STK32B: variants seen among roughly 807,000 people sequenced by gnomAD.
The protein encoded by STK32B is serine/threonine-protein kinase 32B.
Under a neutral mutation model 52.6 loss-of-function variants are expected in STK32B, and 43 were observed. The ratio of observed to expected loss-of-function variants is 0.82; its 90% CI spans 0.64 to 1.05. STK32B has a LOEUF of 1.05. Among genes scored for constraint, STK32B ranks in the 50% least tolerant of loss-of-function variants. The pLI, the probability that STK32B is intolerant of heterozygous loss-of-function variation, is 0.00. For missense variants in STK32B, 621 were observed against 534.6 expected (o/e 1.16, Z -1.59); for synonymous variants, 238 against 204.3 (o/e 1.17, Z -1.41).
At position 5,456,931 on chromosome 4, in the gene STK32B, G is replaced by T. The variant is rs1716582387; in HGVS notation, c.783+8G>T. The T allele has an allele frequency of 6.6e-7, 1 of 1,523,200 alleles. No individual in the cohort carries two copies. The allele number at this position is 1,523,200 out of a possible 1,614,324, so 94.4% of individuals were successfully genotyped here. A position where few individuals can be genotyped will look rare whatever the true frequency, so the allele number is the denominator to read the frequency against. ...GTGGCCCTGCTGAGGAAGGTAAGGG[G>T]GCAGCTTCCAGCCTGCCCCGCCAGG... On this transcript the variant is annotated splice_region_variant and intron_variant, in intron 8 of 11. Transcript: ENST00000282908.
intron 1 of STK32B, among the ~76,000 whole-genome samples, chr4:5,099,454 G>GCGCACC (rs1553823532): frequency 1.5e-5 from 2 of 129,846 alleles, no homozygotes; most frequent in East Asian, 2.0e-4. Flanking sequence ...GTGTGTGCGC[G>GCGCACC]CGCGCGTATG....
At chr4:5,303,682 TTTAA>T (rs998525589) in intron 3 of STK32B, among the ~76,000 whole-genome samples, 28 of 152,150 alleles carry the variant, frequency 1.8e-4, no homozygotes, top group Admixed American at 1.8e-3. Context: ...CAGCTTTTAG[TTTAA>T]TTAATTCCCA....
In STK32B at chr4:5,384,011, G is replaced by A. The variant is rs537761017; in HGVS notation, c.435-14196G>A. On this transcript the variant is annotated intron_variant, in intron 4 of 11. Coordinates refer to ENST00000282908, the MANE Select transcript of STK32B (RefSeq NM_018401.3). ...TGGGGAGCTGGGCGATCATCACAGG[G>A]AGAGAGGGAGGGGTCCTGTGCACAT... Among the ~76,000 whole-genome samples the A allele has an allele frequency of 7.0e-4, 107 of 152,350 alleles. 1 individual carries two copies. The highest frequency in any genetic ancestry group is 4.8e-4 in the Non-Finnish European group (33 of 68,042).
intron 1 of STK32B, among the ~76,000 whole-genome samples, chr4:5,105,437 GTT>G (rs1265379672): frequency 2.6e-5 from 4 of 152,092 alleles, no homozygotes; most frequent in Admixed American, 1.3e-4. Context: ...TTTCTATTGA[GTT>G]TATCTTTCTT....
chr4:5,297,322 C>T (rs931607830), intron 3 of STK32B, among the ~76,000 whole-genome samples: 1 of 152,066 alleles, frequency 6.6e-6, no homozygotes, highest in Admixed American at 6.6e-5. Flanking sequence ...GAATGTTGGC[C>T]TGTTTTCCTA....
At chr4:5,178,806 C>T (rs1033119078) in intron 3 of STK32B, among the ~76,000 whole-genome samples, 3 of 152,198 alleles carry the variant, frequency 2.0e-5, no homozygotes, top group Admixed American at 2.0e-4. Flanking sequence ...TCAGCCTGGA[C>T]TTAATTGCCC....
intron 3 of STK32B, among the ~76,000 whole-genome samples, chr4:5,301,331 G>A (rs1412140036): frequency 1.3e-5 from 2 of 152,058 alleles, no homozygotes; most frequent in Non-Finnish European, 2.9e-5. Context: ...GAAAGAATTT[G>A]CAGAAGATTG....
chr4:5,062,955 A>T lies in STK32B; in HGVS notation c.52+11040A>T, dbSNP rs947294247. Among the ~76,000 whole-genome samples the T allele has an allele frequency of 4.6e-5, 7 of 152,304 alleles. No homozygotes were observed. The East Asian group carries it at 1.3e-3, about 29-fold the overall frequency. ...ATCTATTCATTTTCATTACTGTTCC[A>T]TTCAGTTACTATAGTGTAACTCATT... On this transcript the variant is annotated intron_variant, in intron 1 of 11. Coordinates refer to ENST00000282908, the MANE Select transcript of STK32B (RefSeq NM_018401.3).
At chr4:5,249,259 A>G (rs575853730) in intron 3 of STK32B, among the ~76,000 whole-genome samples, 1 of 152,166 alleles carries the variant, frequency 6.6e-6, no homozygotes, top group Non-Finnish European at 1.5e-5. Flanking sequence ...ATCAGTTGCT[A>G]TTACTCAAAT....
intron 3 of STK32B, among the ~76,000 whole-genome samples, chr4:5,252,234 C>T (rs1387594292): frequency 6.6e-6 from 1 of 152,170 alleles, no homozygotes; most frequent in Non-Finnish European, 1.5e-5. Context: ...AAAGATTTGT[C>T]ATTATTGGCC....
At chr4:5,263,077 G>A (rs942398077) in intron 3 of STK32B, among the ~76,000 whole-genome samples, 2 of 149,448 alleles carry the variant, frequency 1.3e-5, no homozygotes, top group Admixed American at 1.3e-4. Context: ...TTGGCTTGTA[G>A]AGCCCTCTTT....
At chr4:5,044,426 C>T in the STK32B span, among the ~76,000 whole-genome samples, 1 of 152,154 alleles carries the variant, frequency 6.6e-6, no homozygotes, top group East Asian at 1.9e-4. Flanking sequence ...GACTCCCAAT[C>T]TCCTCCTTCC....
At chr4:5,121,789 G>T (rs1182425964) in intron 1 of STK32B, among the ~76,000 whole-genome samples, 1 of 115,968 alleles carries the variant, frequency 8.6e-6, no homozygotes, top group African/African-American at 2.6e-5. Flanking sequence ...ATTCAGTCTT[G>T]CTGTGACAGC....
At chr4:5,335,488 C>T (rs922831197) in intron 4 of STK32B, among the ~76,000 whole-genome samples, 2 of 152,030 alleles carry the variant, frequency 1.3e-5, no homozygotes, top group African/African-American at 4.8e-5. Context: ...TTCAGTTCTG[C>T]TCTGATTTTA....
At chr4:5,188,977 C>A (rs992171912) in intron 3 of STK32B, among the ~76,000 whole-genome samples, 1 of 150,994 alleles carries the variant, frequency 6.6e-6, no homozygotes, top group African/African-American at 2.4e-5. Flanking sequence ...CAAACCTGCA[C>A]GTTGTGCACG....
intron 4 of STK32B, among the ~76,000 whole-genome samples, chr4:5,376,281 T>C (rs948751041): frequency 3.9e-5 from 6 of 152,252 alleles, no homozygotes. Context: ...TTTATTCTTT[T>C]ACAGTCTTGC....
rs544445220 is a variant in STK32B, at chr4:5,361,610, C to T, written c.434+30217C>T. 2.2e-4 allele frequency among the ~76,000 whole-genome samples: 34 copies of T among 152,288 alleles called. 1 individual carries two copies. The South Asian group carries it at 4.1e-3, about 19-fold the overall frequency. On this transcript the variant is annotated intron_variant, in intron 4 of 11. Coordinates refer to ENST00000282908, the MANE Select transcript of STK32B (RefSeq NM_018401.3). ...AAACTCCTGGGCTGAAGTGATCCTC[C>T]GACCAAGGATCAATGGCATAGGCCA...
At chr4:5,107,611 T>C (rs1271339586) in intron 1 of STK32B, among the ~76,000 whole-genome samples, 1 of 152,216 alleles carries the variant, frequency 6.6e-6, no homozygotes, top group East Asian at 1.9e-4. Flanking sequence ...AATTACAAAA[T>C]GGTAACATTT....
At chr4:5,221,356 AG>A (rs1446039159) in intron 3 of STK32B, among the ~76,000 whole-genome samples, 1 of 152,212 alleles carries the variant, frequency 6.6e-6, no homozygotes, top group African/African-American at 2.4e-5. Flanking sequence ...TAAAATTAGC[AG>A]GAGTTGGTGG....
Sources: allele counts gnomAD v4.1 joint callset (sites outside exome capture counted in the v4.1 genomes callset), GRCh38; gene constraint gnomAD v4.1.1; transcripts MANE v1.5; gene names NCBI Gene and HGNC (gene_info 2026-07-23, HGNC 2026-07-21).